Variants in PHACTR1 observed in about 807,000 individuals in gnomAD.
PHACTR1 encodes RPEL repeat containing 1.
A neutral mutation model predicts 69.2 loss-of-function variants in PHACTR1; 16 were observed. That is an observed-to-expected ratio of 0.23 (90% CI 0.16 to 0.35). The LOEUF (loss-of-function observed/expected upper bound fraction) is 0.35. PHACTR1 is among the 10% of genes least tolerant of loss of function. PHACTR1 has a pLI of 1.00. For missense variants in PHACTR1, 510 were observed against 734.7 expected, an observed-to-expected ratio of 0.69 and a Z score of 3.54; for synonymous variants, 312 against 284.5, an observed-to-expected ratio of 1.10 and a Z score of -0.97.
intron 8 of PHACTR1, among the ~76,000 whole-genome samples, chr6:13,218,857 AG>A (rs1768123475): frequency 2.4e-4 from 1 of 4,108 alleles, no homozygotes; most frequent in Non-Finnish European, 1.0e-3. Flanking sequence ...AGGAGGAAAG[AG>A]AAGAGAAGAG....
At chr6:12,758,260 TG>T (rs934470965) in intron 4 of PHACTR1, among the ~76,000 whole-genome samples, 6 of 151,760 alleles carry the variant, frequency 4.0e-5, no homozygotes, top group Non-Finnish European at 8.8e-5. Flanking sequence ...CTGACCAACA[TG>T]GTGAAACTCA....
intron 11 of PHACTR1, chr6:13,273,703 AC>A (rs1436217599): frequency 6.6e-6 from 1 of 152,226 alleles, no homozygotes; most frequent in Non-Finnish European, 1.5e-5. Flanking sequence ...TAAATATCAA[AC>A]CATTCTATTC....
At chr6:13,099,579 T>C (rs1456388873) in intron 5 of PHACTR1, among the ~76,000 whole-genome samples, 1 of 152,216 alleles carries the variant, frequency 6.6e-6, no homozygotes, top group African/African-American at 2.4e-5. Context: ...GTGGAGATAC[T>C]CTGTGGGTGT....
chr6:13,263,961 G>T (rs1776269924), intron 10 of PHACTR1, among the ~76,000 whole-genome samples: 1 of 152,340 alleles, frequency 6.6e-6, no homozygotes, highest in Non-Finnish European at 1.5e-5. Context: ...GCTTGGTGAA[G>T]ATGGCAAGAT....
At chr6:12,804,106 A>G (rs1320182218) in intron 4 of PHACTR1, among the ~76,000 whole-genome samples, 5 of 152,140 alleles carry the variant, frequency 3.3e-5, no homozygotes, top group African/African-American at 9.7e-5. Flanking sequence ...AATTCACTCT[A>G]TTTCAGAGAA....
chr6:13,248,601 C>T (rs1773916518), intron 10 of PHACTR1, among the ~76,000 whole-genome samples: 1 of 152,114 alleles, frequency 6.6e-6, no homozygotes, highest in Non-Finnish European at 1.5e-5. Flanking sequence ...CACGGTTATC[C>T]TCATGTTGAG....
intron 4 of PHACTR1, among the ~76,000 whole-genome samples, chr6:12,789,792 A>C (rs1412700178): frequency 6.7e-6 from 1 of 149,752 alleles, no homozygotes; most frequent in Non-Finnish European, 1.5e-5. Context: ...TATTATTATT[A>C]TACTTTAAGT....
chr6:13,097,836 G>T (rs1160655660), intron 5 of PHACTR1, among the ~76,000 whole-genome samples: 1 of 151,954 alleles, frequency 6.6e-6, no homozygotes, highest in Non-Finnish European at 1.5e-5. Context: ...ATATGATTTG[G>T]CCTTAGGAGC....
chr6:13,258,049 T>TAAAC (rs772612197), intron 10 of PHACTR1, among the ~76,000 whole-genome samples: 1 of 152,050 alleles, frequency 6.6e-6, no homozygotes, highest in Non-Finnish European at 1.5e-5. Flanking sequence ...CTGCAAAGCT[T>TAAAC]AAACAAACAA....
chr6:12,766,965 T>C (rs555766044), intron 4 of PHACTR1, among the ~76,000 whole-genome samples: 24 of 152,298 alleles, frequency 1.6e-4, no homozygotes, highest in African/African-American at 5.1e-4. Context: ...TAGGCTTCCA[T>C]CTTTAGAATA....
At chr6:13,044,906 G>T (rs13192747) in intron 4 of PHACTR1, among the ~76,000 whole-genome samples, 24,958 of 152,020 alleles carry the variant, frequency 0.16, 2,553 homozygotes, top group South Asian at 0.26. Flanking sequence ...GCGGGTATTC[G>T]CCAGGGCACC....
chr6:13,178,804 C>G (rs1311968866), intron 6 of PHACTR1, among the ~76,000 whole-genome samples: 1 of 152,198 alleles, frequency 6.6e-6, no homozygotes, highest in African/African-American at 2.4e-5. Context: ...CTCATCCACA[C>G]TAACAAGATG....
intron 5 of PHACTR1, among the ~76,000 whole-genome samples, chr6:13,159,150 C>T (rs1758618075): frequency 2.6e-5 from 4 of 152,198 alleles, no homozygotes; most frequent in Admixed American, 6.5e-5. Flanking sequence ...CTCTTCCTTC[C>T]TCCAGCCCCG....
chr6:13,118,910 C>T (rs912243333), intron 5 of PHACTR1, among the ~76,000 whole-genome samples: 3 of 152,086 alleles, frequency 2.0e-5, no homozygotes, highest in Middle Eastern at 6.3e-3. Flanking sequence ...GTGCTCTGAG[C>T]CTCAGTTGCC....
At chr6:13,015,074 C>G (rs1338108676) in intron 4 of PHACTR1, among the ~76,000 whole-genome samples, 1 of 152,226 alleles carries the variant, frequency 6.6e-6, no homozygotes, top group African/African-American at 2.4e-5. Flanking sequence ...GTCTCCATGC[C>G]TGACACGCAC....
intron 5 of PHACTR1, among the ~76,000 whole-genome samples, chr6:13,063,615 A>C (rs532774747): frequency 0.012 from 1,850 of 151,944 alleles, 29 homozygotes; most frequent in African/African-American, 0.039. Context: ...TACCACAAAA[A>C]AAAAAAAATT....
At chr6:12,928,073 C>CA (rs143329761) in intron 4 of PHACTR1, among the ~76,000 whole-genome samples, 26,222 of 152,072 alleles carry the variant, frequency 0.17, 5,211 homozygotes, top group African/African-American at 0.49. Context: ...GCCCCTCTGT[C>CA]GACTCAGACT....
intron 5 of PHACTR1, among the ~76,000 whole-genome samples, chr6:13,077,969 G>T (rs1208991523): frequency 1.3e-5 from 2 of 152,108 alleles, no homozygotes; most frequent in African/African-American, 4.8e-5. Context: ...GAGAAAAGAA[G>T]GGGAATCTGC....
intron 4 of PHACTR1, chr6:12,957,581 C>A (rs1792053101): frequency 1.0e-6 from 1 of 985,636 alleles, no homozygotes; most frequent in Non-Finnish European, 1.2e-6. Flanking sequence ...CTGGAGGCTG[C>A]CACTTTAGAG....
Sources: allele counts gnomAD v4.1 joint callset (sites outside exome capture counted in the v4.1 genomes callset), GRCh38; gene constraint gnomAD v4.1.1; transcripts MANE v1.5; gene names NCBI Gene and HGNC (gene_info 2026-07-23, HGNC 2026-07-21).